Variants in HDAC9 observed in about 807,000 individuals in gnomAD.
HDAC9 encodes the protein histone deacetylase 9.
A neutral mutation model predicts 139.4 loss-of-function variants in HDAC9; 41 were observed. The ratio of observed to expected loss-of-function variants is 0.29; its 90% CI spans 0.23 to 0.38. HDAC9 has a LOEUF of 0.38. HDAC9 is among the 10% of genes least tolerant of loss of function. The pLI is 1.00. For missense variants in HDAC9, 1,147 were observed against 1,297.0 expected, an observed-to-expected ratio of 0.88 and a Z score of 1.78; for synonymous variants, 517 against 476.2, an observed-to-expected ratio of 1.09 and a Z score of -1.12.
At chr7:18,983,936 G>C (rs1358553693) in intron 25 of HDAC9, among the ~76,000 whole-genome samples, 1 of 151,762 alleles carries the variant, frequency 6.6e-6, no homozygotes. Flanking sequence ...CCCTTTATTG[G>C]CCTTCCCATT....
chr7:18,685,699 T>C (rs1469436292), intron 12 of HDAC9, among the ~76,000 whole-genome samples: 1 of 151,948 alleles, frequency 6.6e-6, no homozygotes, highest in Non-Finnish European at 1.5e-5. Context: ...AATTGGCAAA[T>C]AGATTTCCTC....
intron 1 of HDAC9, among the ~76,000 whole-genome samples, chr7:18,376,630 G>A (rs927525926): frequency 6.6e-6 from 1 of 152,072 alleles, no homozygotes; most frequent in South Asian, 2.1e-4. Flanking sequence ...AAACTAACAT[G>A]AGCCTCCCTT....
chr7:18,571,887 A>G lies in HDAC9; in HGVS notation c.23-13394A>G, dbSNP rs538276720. ...GTTGTCTTAAACATATTAAGCATTG[A>G]GGCTTTCAGAAAATATTCAACTGTT... On this transcript the variant is annotated intron_variant, in intron 2 of 25. Coordinates refer to ENST00000686413, the MANE Select transcript of HDAC9 (RefSeq NM_178425.4). Among the ~76,000 whole-genome samples, 3 of 152,092 alleles carry G rather than the reference A, an allele frequency of 2.0e-5. No homozygotes were observed. In the South Asian group the frequency reaches 6.2e-4, roughly 32 times the overall value.
chr7:18,710,235 C>T (rs1019174231), intron 12 of HDAC9, among the ~76,000 whole-genome samples: 4 of 152,098 alleles, frequency 2.6e-5, no homozygotes, highest in Non-Finnish European at 4.4e-5. Flanking sequence ...ACCCATGACA[C>T]GTGGGAATTA....
At chr7:18,504,843 A>G (rs1262162253) in intron 2 of HDAC9, among the ~76,000 whole-genome samples, 1 of 152,206 alleles carries the variant, frequency 6.6e-6, no homozygotes, top group Non-Finnish European at 1.5e-5. Context: ...GTAGGTAGGA[A>G]ATGGCAGGGT....
At chr7:18,731,949 C>A (rs1786094532) in intron 13 of HDAC9, among the ~76,000 whole-genome samples, 1 of 151,750 alleles carries the variant, frequency 6.6e-6, no homozygotes, top group African/African-American at 2.4e-5. Flanking sequence ...ATTCTTAAGA[C>A]TATACTGTAA....
intron 13 of HDAC9, among the ~76,000 whole-genome samples, chr7:18,733,125 G>GTA (rs4043672): frequency 0.016 from 2,312 of 141,392 alleles, 67 homozygotes; most frequent in African/African-American, 0.059. Context: ...GTGTATACAT[G>GTA]TATATATATA....
At chr7:18,259,116 T>G (rs1470967997) in intron 2 of HDAC9, among the ~76,000 whole-genome samples, 1 of 151,806 alleles carries the variant, frequency 6.6e-6, no homozygotes. Context: ...ATTACAGACA[T>G]GCGCCACCAT....
At chr7:18,262,212 AAAC>A (rs1313153849) in intron 2 of HDAC9, among the ~76,000 whole-genome samples, 8 of 152,208 alleles carry the variant, frequency 5.3e-5, no homozygotes, top group Admixed American at 1.3e-4. Context: ...TACAGAAGTT[AAAC>A]AACAAGAGAG....
intron 1 of HDAC9, among the ~76,000 whole-genome samples, chr7:18,136,862 G>C (rs1368868754): frequency 2.0e-5 from 3 of 151,898 alleles, no homozygotes. Flanking sequence ...TAGCTGGATG[G>C]GGATGGCATT....
At chr7:18,187,868 T>C (rs1363274540) in intron 2 of HDAC9, among the ~76,000 whole-genome samples, 3 of 152,226 alleles carry the variant, frequency 2.0e-5, no homozygotes, top group Admixed American at 6.5e-5. Context: ...AGTGTGCTTC[T>C]TCCTGTGCAC....
upstream of HDAC9, among the ~76,000 whole-genome samples, chr7:18,494,281 A>T (rs1315051687): frequency 1.3e-5 from 2 of 152,010 alleles, no homozygotes; most frequent in African/African-American, 4.8e-5. Context: ...GCAGTGGCCT[A>T]TTTGATGAAT....
At position 18,997,859 on chromosome 7, in the gene HDAC9, T is replaced by C. The variant is rs1350206458; in HGVS notation, c.*1797T>C. The C allele has an allele frequency of 6.6e-6, 1 of 152,168 alleles. No individual in the cohort carries two copies. Among genetic ancestry groups the C allele is most frequent in the African/African-American group, 2.4e-5 (1 of 41,466 alleles). 9.4% of individuals were successfully genotyped at this position (152,168 alleles called of 1,614,324 possible). A position where few individuals can be genotyped will look rare whatever the true frequency, so the allele number is the denominator to read the frequency against. ...TATACAAAAATGGCTCAATACTTGG[T>C]TTAACTTCTTAGAAATTTGAGACAC... On this transcript the variant is annotated 3_prime_UTR_variant, in exon 26 of 26. Transcript: ENST00000686413.
chr7:18,911,407 T>G (rs187820835), intron 22 of HDAC9, among the ~76,000 whole-genome samples: 31 of 151,872 alleles, frequency 2.0e-4, no homozygotes, highest in Admixed American at 5.9e-4. Flanking sequence ...TTTATTTGGA[T>G]CTCGTCTCCT....
In HDAC9 at chr7:18,997,527, T is replaced by C. The variant is rs1000733551; in HGVS notation, c.*1465T>C. 8 of 152,084 alleles carry C rather than the reference T, an allele frequency of 5.3e-5. No individual in the cohort carries two copies. Among genetic ancestry groups the C allele is most frequent in the African/African-American group, 1.9e-4 (8 of 41,418 alleles). The allele number at this position is 152,084 out of a possible 1,614,324, so 9.4% of individuals were successfully genotyped here. A position where few individuals can be genotyped will look rare whatever the true frequency, so the allele number is the denominator to read the frequency against. ...ATATCTGACAATGCTTTTGAAAGAG[T>C]TGATGTTTCTTTTTATATATTTTTC... On this transcript the variant is annotated 3_prime_UTR_variant, in exon 26 of 26. Coordinates refer to ENST00000686413, the MANE Select transcript of HDAC9 (RefSeq NM_178425.4).
chr7:18,151,209 G>C (rs1482173523), intron 1 of HDAC9, among the ~76,000 whole-genome samples: 1 of 152,148 alleles, frequency 6.6e-6, no homozygotes, highest in Non-Finnish European at 1.5e-5. Flanking sequence ...CAGTTTCAAA[G>C]GTGGCTTTCT....
At chr7:18,435,229 G>A (rs748911700) in intron 1 of HDAC9, among the ~76,000 whole-genome samples, 2 of 151,930 alleles carry the variant, frequency 1.3e-5, no homozygotes, top group Non-Finnish European at 2.9e-5. Flanking sequence ...ACAAAGAGAA[G>A]AACAATAGAC....
intron 1 of HDAC9, among the ~76,000 whole-genome samples, chr7:18,092,206 C>T (rs146613162): frequency 3.5e-4 from 53 of 151,904 alleles, no homozygotes; most frequent in African/African-American, 1.2e-3. Flanking sequence ...GGCAACATGG[C>T]GCGACCCTGT....
At chr7:18,178,333 C>T (rs999278126) in intron 2 of HDAC9, among the ~76,000 whole-genome samples, 1 of 152,224 alleles carries the variant, frequency 6.6e-6, no homozygotes, top group African/African-American at 2.4e-5. Flanking sequence ...AATCTGCATG[C>T]CTTGGGCTCC....
Sources: allele counts gnomAD v4.1 joint callset (sites outside exome capture counted in the v4.1 genomes callset), GRCh38; gene constraint gnomAD v4.1.1; transcripts MANE v1.5; gene names NCBI Gene and HGNC (gene_info 2026-07-23, HGNC 2026-07-21).